The following TAFA1 variants were observed in gnomAD, a reference collection of about 807,000 sequenced individuals.
TAFA1 encodes the protein TAFA chemokine like family member 1, also known as chemokine-like protein TAFA-1.
A neutral mutation model predicts 18.5 loss-of-function variants in TAFA1; 4 were observed. The ratio of observed to expected loss-of-function variants is 0.22; its 90% CI spans 0.11 to 0.49. The LOEUF (loss-of-function observed/expected upper bound fraction) is 0.49, where lower values mean the gene tolerates loss of function less well. TAFA1 is among the 20% of genes least tolerant of loss of function. The pLI is 0.98. For synonymous variants in TAFA1, 56 were observed against 55.2 expected (o/e 1.01, Z -0.06); for missense variants, 147 against 169.0 (o/e 0.87, Z 0.72).
chr3:68,467,847 C>A (rs1476929183), intron 3 of TAFA1, among the ~76,000 whole-genome samples: 2 of 152,078 alleles, frequency 1.3e-5, no homozygotes, highest in Admixed American at 1.3e-4. Flanking sequence ...ACATGGAAAT[C>A]CAAAAGTCAG....
At chr3:68,003,819 T>G (rs186441344), upstream of TAFA1, among the ~76,000 whole-genome samples, 15 of 152,354 alleles carry the variant, frequency 9.8e-5, no homozygotes, top group East Asian at 2.7e-3. Context: ...ATTGGACTTA[T>G]GCATATACGC....
chr3:68,430,728 C>T (rs2071153965), intron 3 of TAFA1, among the ~76,000 whole-genome samples: 1 of 151,960 alleles, frequency 6.6e-6, no homozygotes, highest in Admixed American at 6.6e-5. Flanking sequence ...TGTTGTTACC[C>T]ACACAGGGTT....
chr3:68,160,444 G>C (rs1413886712), intron 2 of TAFA1, among the ~76,000 whole-genome samples: 1 of 152,200 alleles, frequency 6.6e-6, no homozygotes. Context: ...TCTTATAGTA[G>C]AGCATAATGG....
chr3:68,261,654 A>T (rs1028985347), intron 2 of TAFA1, among the ~76,000 whole-genome samples: 71 of 152,152 alleles, frequency 4.7e-4, no homozygotes, highest in Admixed American at 3.3e-3. Context: ...TTCTCAGCAA[A>T]CTATCACAAG....
chr3:68,299,275 A>G (rs2068264471), intron 2 of TAFA1, among the ~76,000 whole-genome samples: 3 of 152,146 alleles, frequency 2.0e-5, no homozygotes, highest in African/African-American at 7.2e-5. Flanking sequence ...AACAAGATAA[A>G]CAGCCCTAGC....
At chr3:68,463,424 T>G (rs145049851) in intron 3 of TAFA1, among the ~76,000 whole-genome samples, 1 of 152,200 alleles carries the variant, frequency 6.6e-6, no homozygotes, top group Non-Finnish European at 1.5e-5. Context: ...CAAAAAGTTT[T>G]ATTTTATTCA....
intron 2 of TAFA1, among the ~76,000 whole-genome samples, chr3:68,097,744 TA>T (rs1289056091): frequency 6.6e-6 from 1 of 152,122 alleles, no homozygotes; most frequent in Non-Finnish European, 1.5e-5. Flanking sequence ...TGAATGAGTG[TA>T]TGCACAATAA....
chr3:68,357,801 T>G (rs930703800), intron 2 of TAFA1, among the ~76,000 whole-genome samples: 3 of 151,944 alleles, frequency 2.0e-5, no homozygotes, highest in African/African-American at 7.2e-5. Context: ...AGCTTGGAGA[T>G]TCCCAATTAC....
At chr3:68,367,941 T>C (rs531465779) in intron 2 of TAFA1, among the ~76,000 whole-genome samples, 1 of 152,340 alleles carries the variant, frequency 6.6e-6, no homozygotes, top group South Asian at 2.1e-4. Context: ...CTCACTTAGC[T>C]GCTGCCCATA....
chr3:68,378,324 C>T (rs2069860931), intron 2 of TAFA1, among the ~76,000 whole-genome samples: 1 of 152,192 alleles, frequency 6.6e-6, no homozygotes, highest in Non-Finnish European at 1.5e-5. Context: ...GATTTTGGAG[C>T]TTTAAGATTT....
intron 2 of TAFA1, among the ~76,000 whole-genome samples, chr3:68,022,972 T>G (rs1242930791): frequency 1.3e-5 from 2 of 149,744 alleles, no homozygotes; most frequent in Non-Finnish European, 3.0e-5. Context: ...TCTTGTTTTT[T>G]TTTTTTTTTT....
intron 2 of TAFA1, among the ~76,000 whole-genome samples, chr3:68,050,847 G>A (rs1575591811): frequency 6.6e-6 from 1 of 152,180 alleles, no homozygotes; most frequent in South Asian, 2.1e-4. Flanking sequence ...TAAATGAATG[G>A]TTGTGGCTGC....
At chr3:68,145,827 A>G (rs963353040) in intron 2 of TAFA1, among the ~76,000 whole-genome samples, 1 of 152,234 alleles carries the variant, frequency 6.6e-6, no homozygotes, top group African/African-American at 2.4e-5. Context: ...ATTAACTTGT[A>G]CTGATAAACT....
intron 2 of TAFA1, among the ~76,000 whole-genome samples, chr3:68,415,264 T>C (rs1028326834): frequency 2.0e-5 from 3 of 152,176 alleles, no homozygotes; most frequent in African/African-American, 7.2e-5. Context: ...ACACCAGTCC[T>C]TTGTTCCAAA....
At chr3:68,254,444 CTT>C (rs1314816378) in intron 2 of TAFA1, among the ~76,000 whole-genome samples, 3 of 151,886 alleles carry the variant, frequency 2.0e-5, no homozygotes, top group Non-Finnish European at 2.9e-5. Context: ...TTTCAGAAGA[CTT>C]TTTTAAACCT....
At chr3:68,119,910 A>C (rs2065368408) in intron 2 of TAFA1, among the ~76,000 whole-genome samples, 2 of 152,170 alleles carry the variant, frequency 1.3e-5, no homozygotes, top group Non-Finnish European at 2.9e-5. Flanking sequence ...TTTTAGGTAT[A>C]CTCCATACTC....
chr3:68,400,901 T>C (rs1436450954), intron 2 of TAFA1, among the ~76,000 whole-genome samples: 1 of 152,186 alleles, frequency 6.6e-6, no homozygotes, highest in Non-Finnish European at 1.5e-5. Context: ...TGTCAGGTGT[T>C]CATCCACAGC....
intron 2 of TAFA1, among the ~76,000 whole-genome samples, chr3:68,386,060 G>A (rs542340132): frequency 8.2e-4 from 125 of 152,140 alleles, no homozygotes; most frequent in African/African-American, 2.9e-3. Flanking sequence ...ATGGTCCCCC[G>A]AGCCTAATAC....
chr3:68,511,063 ACTCAAATGCAAATGTGC>A lies in TAFA1; in HGVS notation c.260-27689_260-27673del, dbSNP rs1322786434. On this transcript the variant is annotated intron_variant, in intron 3 of 4. Transcript: ENST00000478136. ...ATTTTCCAGAGTATACATTAAAGAG[ACTCAAATGCAAATGTGC>A]CTCTCAACTATGCTAGCTATTTTCT... Among the ~76,000 whole-genome samples, 10 of 152,244 alleles carry A rather than the reference ACTCAAATGCAAATGTGC, an allele frequency of 6.6e-5. No individual in the cohort carries two copies. In the East Asian group the frequency reaches 1.5e-3, roughly 24 times the overall value.
Sources: gnomAD v4.1 joint callset for allele counts (sites outside exome capture counted in the v4.1 genomes callset) on GRCh38, gnomAD v4.1.1 for gene constraint, MANE v1.5 for transcripts, NCBI Gene and HGNC (gene_info 2026-07-23, HGNC 2026-07-21) for gene names.